PIGU: variants seen among roughly 807,000 people sequenced by gnomAD.
PIGU encodes phosphatidylinositol glycan anchor biosynthesis class U, also known as GPI-anchor transamidase component PIGU.
Under a neutral mutation model 49.9 loss-of-function variants are expected in PIGU, and 24 were observed. The observed-to-expected ratio is 0.48, with a 90% CI of 0.35 to 0.68. The LOEUF is 0.68. Among genes scored for constraint, PIGU ranks in the 30% least tolerant of loss-of-function variants. The pLI, the probability that PIGU is intolerant of heterozygous loss-of-function variation, is 0.01. For synonymous variants in PIGU, 220 were observed against 205.7 expected, an observed-to-expected ratio of 1.07 and a Z score of -0.59; for missense variants, 490 against 532.6, an observed-to-expected ratio of 0.92 and a Z score of 0.79.
At chr20:34,676,573 C>G (rs535651170) in intron 1 of PIGU, among the ~76,000 whole-genome samples, 2 of 152,324 alleles carry the variant, frequency 1.3e-5, no homozygotes, top group Non-Finnish European at 1.5e-5. Context: ...TCCCAGGGAG[C>G]ACCCCTGGCG....
intron 2 of PIGU, among the ~76,000 whole-genome samples, chr20:34,649,848 CTT>C (rs1243838081): frequency 1.6e-4 from 17 of 105,638 alleles, no homozygotes; most frequent in South Asian, 3.1e-4. Context: ...CTATTACATT[CTT>C]TTTTTTTTTT....
chr20:34,564,513 T>C (rs1982663104), intron 11 of PIGU, among the ~76,000 whole-genome samples: 1 of 152,006 alleles, frequency 6.6e-6, no homozygotes, highest in Admixed American at 6.5e-5. Flanking sequence ...AGGAAAAAAA[T>C]TAACAGCAAT....
At chr20:34,591,483 G>A (rs949847151) in intron 7 of PIGU, among the ~76,000 whole-genome samples, 2 of 151,992 alleles carry the variant, frequency 1.3e-5, no homozygotes, top group Non-Finnish European at 2.9e-5. Flanking sequence ...AAGCATTTTG[G>A]GGGTATTTAC....
chr20:34,560,993 G>T lies in PIGU; in HGVS notation c.1195-14C>A. The T allele has an allele frequency of 6.4e-7, 1 of 1,561,192 alleles. No individual in the cohort carries two copies. The highest frequency in any genetic ancestry group is 8.8e-7 in the Non-Finnish European group (1 of 1,134,422). On this transcript the variant is annotated splice_polypyrimidine_tract_variant and intron_variant, in intron 11 of 11. Coordinates refer to ENST00000217446, the MANE Select transcript of PIGU (RefSeq NM_080476.5). Reference sequence around the variant, plus strand: ...GATGAGCAGGATCTGGGGGGAGAGAGAGGGTGTGAGGCGCTGCTGGGTACC... The same window carrying T: ...GATGAGCAGGATCTGGGGGGAGAGATAGGGTGTGAGGCGCTGCTGGGTACC...
intron 7 of PIGU, among the ~76,000 whole-genome samples, chr20:34,604,541 T>C (rs756877384): frequency 6.5e-4 from 99 of 152,316 alleles, no homozygotes; most frequent in Non-Finnish European, 1.2e-3. Context: ...CTTGCCTTCA[T>C]TTTTACCCAT....
intron 11 of PIGU, among the ~76,000 whole-genome samples, chr20:34,566,512 T>G (rs182915299): frequency 5.9e-5 from 9 of 152,192 alleles, no homozygotes. Context: ...GAATCAGAAG[T>G]AGAACGAAAC....
chr20:34,594,388 C>A (rs372672726), intron 7 of PIGU, among the ~76,000 whole-genome samples: 3 of 152,042 alleles, frequency 2.0e-5, no homozygotes, highest in Non-Finnish European at 1.5e-5. Context: ...CACACAATGG[C>A]GTACTACACA....
chr20:34,673,019 C>T (rs1987360750), intron 1 of PIGU, among the ~76,000 whole-genome samples: 1 of 152,026 alleles, frequency 6.6e-6, no homozygotes, highest in African/African-American at 2.4e-5. Context: ...CTTTGGAAGG[C>T]CGAGGCGGGT....
chr20:34,669,327 A>G (rs1294850552), intron 1 of PIGU, among the ~76,000 whole-genome samples: 2 of 152,152 alleles, frequency 1.3e-5, no homozygotes, highest in Non-Finnish European at 2.9e-5. Flanking sequence ...ATCTCTCTGC[A>G]ATATTTTTGC....
chr20:34,653,182 A>G (rs1986596720), intron 2 of PIGU, among the ~76,000 whole-genome samples: 2 of 152,146 alleles, frequency 1.3e-5, no homozygotes, highest in Admixed American at 1.3e-4. Context: ...CATGTTGGTC[A>G]GGCTGGTCTC....
chr20:34,620,698 C>T (rs1985175372), intron 6 of PIGU, among the ~76,000 whole-genome samples: 1 of 151,344 alleles, frequency 6.6e-6, no homozygotes, highest in Non-Finnish European at 1.5e-5. Flanking sequence ...ATAGTCCCAG[C>T]TACTCGGGAG....
intron 5 of PIGU, among the ~76,000 whole-genome samples, chr20:34,635,559 T>A (rs1985929853): frequency 6.6e-6 from 1 of 152,326 alleles, no homozygotes; most frequent in East Asian, 1.9e-4. Flanking sequence ...CTATCCTGCT[T>A]CCACAAAGGA....
chr20:34,630,277 T>C (rs944016887), intron 6 of PIGU, among the ~76,000 whole-genome samples: 1 of 152,172 alleles, frequency 6.6e-6, no homozygotes, highest in Admixed American at 6.5e-5. Flanking sequence ...GGAACTACTT[T>C]GCACAGTAGT....
chr20:34,658,397 C>T (rs2146784924), intron 1 of PIGU, among the ~76,000 whole-genome samples: 2 of 152,264 alleles, frequency 1.3e-5, no homozygotes, highest in East Asian at 3.9e-4. Flanking sequence ...GAGATTGCAG[C>T]CTCTGCCCGG....
chr20:34,617,109 T>A (rs1309734042), intron 6 of PIGU, among the ~76,000 whole-genome samples: 1 of 152,174 alleles, frequency 6.6e-6, no homozygotes, highest in Admixed American at 6.5e-5. Flanking sequence ...AAGTTTGCAG[T>A]AGGGGGCGGA....
At position 34,560,806 on chromosome 20, in the gene PIGU, T is replaced by C; in HGVS notation, c.*60A>G. ...CTGCTGGCAACTCTGGCTGGAGGGC[T>C]TGGCCCAGCTTCTGGCCCCACAGCC... is the stretch of plus-strand genomic sequence containing the variant. On this transcript the variant is annotated 3_prime_UTR_variant, in exon 12 of 12. Coordinates refer to ENST00000217446, the MANE Select transcript of PIGU (RefSeq NM_080476.5). 3 of 1,296,514 alleles carry C rather than the reference T, an allele frequency of 2.3e-6. No homozygotes were observed. The East Asian group carries it at 8.2e-5, about 35-fold the overall frequency. The allele number at this position is 1,296,514 out of a possible 1,614,324, so 80.3% of individuals were successfully genotyped here. A position where few individuals can be genotyped will look rare whatever the true frequency, so the allele number is the denominator to read the frequency against.
intron 2 of PIGU, among the ~76,000 whole-genome samples, chr20:34,648,792 G>A (rs989291429): frequency 7.9e-5 from 12 of 151,890 alleles, no homozygotes; most frequent in Non-Finnish European, 1.5e-4. Flanking sequence ...CAAGCAATCC[G>A]CCTGCCTCAG....
chr20:34,638,751 G>A (rs1600650665), intron 4 of PIGU, among the ~76,000 whole-genome samples: 1 of 152,178 alleles, frequency 6.6e-6, no homozygotes, highest in South Asian at 2.1e-4. Context: ...TAGTTAATAG[G>A]GAGTGGGATG....
At chr20:34,602,774 T>C (rs1366781055) in intron 7 of PIGU, among the ~76,000 whole-genome samples, 1 of 152,192 alleles carries the variant, frequency 6.6e-6, no homozygotes, top group East Asian at 1.9e-4. Flanking sequence ...TTATAACCAC[T>C]ACCAAGGTCG....
Sources: gnomAD v4.1 joint callset for allele counts (sites outside exome capture counted in the v4.1 genomes callset) on GRCh38, gnomAD v4.1.1 for gene constraint, MANE v1.5 for transcripts, NCBI Gene and HGNC (gene_info 2026-07-23, HGNC 2026-07-21) for gene names.